The following CCSER1 variants were observed in gnomAD, a reference collection of about 807,000 sequenced individuals.
CCSER1 encodes coiled-coil serine rich protein 1, also known as serine-rich coiled-coil domain-containing protein 1.
In CCSER1, 41 loss-of-function variants were observed where a neutral mutation model predicts 82.0. The observed-to-expected ratio is 0.50, with a 90% CI of 0.39 to 0.65. The LOEUF (loss-of-function observed/expected upper bound fraction) is 0.65. Ranked by LOEUF, CCSER1 falls within the 30% of genes least tolerant of loss-of-function variation. The pLI, the probability that CCSER1 is intolerant of heterozygous loss-of-function variation, is 0.00. For missense variants in CCSER1, 1,119 were observed against 1,064.2 expected, an observed-to-expected ratio of 1.05 and a Z score of -0.72; for synonymous variants, 414 against 383.9, an observed-to-expected ratio of 1.08 and a Z score of -0.92.
At chr4:90,444,339 AG>A (rs1383304814) in intron 4 of CCSER1, among the ~76,000 whole-genome samples, 2 of 152,176 alleles carry the variant, frequency 1.3e-5, no homozygotes, top group Middle Eastern at 3.4e-3. Context: ...AAGATAAGTA[AG>A]GGGGAAGCTA....
intron 10 of CCSER1, among the ~76,000 whole-genome samples, chr4:91,370,143 A>G (rs1341578335): frequency 6.6e-6 from 1 of 152,156 alleles, no homozygotes; most frequent in African/African-American, 2.4e-5. Context: ...TAAGACTTTA[A>G]ATATCCAAGT....
At chr4:91,176,866 A>T (rs1733433931) in intron 10 of CCSER1, among the ~76,000 whole-genome samples, 1 of 152,180 alleles carries the variant, frequency 6.6e-6, no homozygotes, top group African/African-American at 2.4e-5. Flanking sequence ...GTTGAATAGA[A>T]GTGGTGAGAG....
At chr4:91,125,660 A>G (rs969615602) in intron 10 of CCSER1, among the ~76,000 whole-genome samples, 3 of 151,756 alleles carry the variant, frequency 2.0e-5, no homozygotes, top group Admixed American at 6.6e-5. Flanking sequence ...GATTTAACAT[A>G]GCCCAGGAGA....
chr4:91,165,473 A>G (rs1165172369), intron 10 of CCSER1, among the ~76,000 whole-genome samples: 2 of 152,222 alleles, frequency 1.3e-5, no homozygotes, highest in Admixed American at 6.5e-5. Flanking sequence ...ACTGTCAGAC[A>G]GGGACGTTTA....
At chr4:91,256,019 G>A (rs1221006538) in intron 10 of CCSER1, among the ~76,000 whole-genome samples, 1 of 152,202 alleles carries the variant, frequency 6.6e-6, no homozygotes, top group Non-Finnish European at 1.5e-5. Flanking sequence ...CCTGGGAGCA[G>A]TAACAAGAGT....
intron 1 of CCSER1, among the ~76,000 whole-genome samples, chr4:90,278,279 A>T (rs187112048): frequency 6.6e-6 from 1 of 152,270 alleles, no homozygotes; most frequent in Admixed American, 6.5e-5. Context: ...AGATTACTCA[A>T]AGTACTAAGT....
chr4:91,235,175 C>T (rs1317496810), intron 10 of CCSER1, among the ~76,000 whole-genome samples: 1 of 151,906 alleles, frequency 6.6e-6, no homozygotes, highest in Non-Finnish European at 1.5e-5. Context: ...ATATTGTATT[C>T]CTAAAATCTA....
At chr4:90,687,345 T>C (rs1412807864) in intron 6 of CCSER1, among the ~76,000 whole-genome samples, 3 of 152,152 alleles carry the variant, frequency 2.0e-5, no homozygotes, top group African/African-American at 7.2e-5. Flanking sequence ...TGGAAAATTT[T>C]CAGGAGACCC....
intron 10 of CCSER1, among the ~76,000 whole-genome samples, chr4:91,229,963 G>T (rs928838043): frequency 6.6e-6 from 1 of 152,162 alleles, no homozygotes; most frequent in South Asian, 2.1e-4. Context: ...TAACAAATTT[G>T]CCCATTCTGC....
chr4:90,384,191 G>A lies in CCSER1; in HGVS notation c.1510-15845G>A, dbSNP rs139702699. Among the ~76,000 whole-genome samples, 72 of 151,682 alleles carry A rather than the reference G, an allele frequency of 4.7e-4. 1 individual carries two copies. The highest frequency in any genetic ancestry group is 1.7e-3 in the African/African-American group (70 of 41,340). On this transcript the variant is annotated intron_variant, in intron 3 of 10. Coordinates refer to ENST00000509176, the MANE Select transcript of CCSER1 (RefSeq NM_001145065.2). Reference sequence around the variant, plus strand: ...GTTCTAGGGTACGTGTGCACAATGTGCAGGTTTGTTACATATGTATATATG... The same window carrying A: ...GTTCTAGGGTACGTGTGCACAATGTACAGGTTTGTTACATATGTATATATG...
chr4:91,050,533 C>G (rs917163678), intron 9 of CCSER1, among the ~76,000 whole-genome samples: 1 of 151,928 alleles, frequency 6.6e-6, no homozygotes, highest in African/African-American at 2.4e-5. Context: ...AATGCCTTTC[C>G]GTGTCACAAA....
intron 9 of CCSER1, among the ~76,000 whole-genome samples, chr4:91,037,259 T>TAC (rs1741524521): frequency 1.4e-5 from 1 of 70,328 alleles, no homozygotes; most frequent in African/African-American, 4.8e-5. Context: ...CACACACACA[T>TAC]ACATACACAC....
At chr4:91,309,135 A>G (rs1231304614) in intron 10 of CCSER1, among the ~76,000 whole-genome samples, 1 of 151,980 alleles carries the variant, frequency 6.6e-6, no homozygotes, top group East Asian at 1.9e-4. Context: ...AAATACAAAA[A>G]GTGAGTATTT....
chr4:91,425,789 G>A (rs921305068), intron 10 of CCSER1, among the ~76,000 whole-genome samples: 6 of 152,114 alleles, frequency 3.9e-5, no homozygotes, highest in South Asian at 2.1e-4. Context: ...AGATCAATAC[G>A]TTCTAAAGAT....
intron 10 of CCSER1, among the ~76,000 whole-genome samples, chr4:91,103,419 G>GA (rs893997941): frequency 2.0e-5 from 3 of 151,822 alleles, no homozygotes; most frequent in African/African-American, 7.3e-5. Context: ...ACCTAATAAT[G>GA]AAAAAAATGC....
intron 6 of CCSER1, among the ~76,000 whole-genome samples, chr4:90,658,476 C>G (rs1730137597): frequency 6.6e-6 from 1 of 152,166 alleles, no homozygotes; most frequent in Non-Finnish European, 1.5e-5. Flanking sequence ...CTTCTCAACT[C>G]AGTTACACTA....
rs754583719 is a variant in CCSER1, at chr4:90,309,181, T to G, written c.897T>G (p.Asn299Lys). 6.2e-7 allele frequency: 1 copy of G among 1,613,948 alleles called. No homozygotes were observed. Among genetic ancestry groups the G allele is most frequent in the Non-Finnish European group, 8.5e-7 (1 of 1,179,836 alleles). ...ATTCTACCTCTCAGATGTCCCTCAA[T>G]TCTGCTGCTGTTACAAAGACAACAA... ...HNDSTSQMSL[N>K]SAAVTKTTTE... Residue 299 changes from asparagine (N) to lysine (K), a missense_variant, in exon 2 of 11, where the codon AAT becomes AAG. Physicochemically the swap from Asn to Lys is moderately conservative, Grantham distance 94. Transcript: ENST00000509176.
intron 10 of CCSER1, among the ~76,000 whole-genome samples, chr4:91,362,520 T>C (rs1749318942): frequency 6.6e-6 from 1 of 151,832 alleles, no homozygotes; most frequent in South Asian, 2.1e-4. Flanking sequence ...AAGTCCAAAA[T>C]ATTTTGCTTT....
chr4:91,548,993 A>G (rs959007602), intron 10 of CCSER1, among the ~76,000 whole-genome samples: 12 of 151,850 alleles, frequency 7.9e-5, no homozygotes, highest in African/African-American at 1.2e-4. Flanking sequence ...CCCATTATGC[A>G]TGTTATATCT....
Sources: allele counts gnomAD v4.1 joint callset (sites outside exome capture counted in the v4.1 genomes callset), GRCh38; gene constraint gnomAD v4.1.1; transcripts MANE v1.5; gene names NCBI Gene and HGNC (gene_info 2026-07-23, HGNC 2026-07-21).